Variants in DNMT3B observed in about 807,000 individuals in gnomAD.
DNMT3B encodes the protein DNA methyltransferase 3 beta, also known as DNA (cytosine-5)-methyltransferase 3B.
Under a neutral mutation model 120.2 loss-of-function variants are expected in DNMT3B, and 37 were observed. That is an observed-to-expected ratio of 0.31 (90% CI 0.24 to 0.40). The LOEUF (loss-of-function observed/expected upper bound fraction) is 0.40, where lower values mean the gene tolerates loss of function less well. Among genes scored for constraint, DNMT3B ranks in the 10% least tolerant of loss-of-function variants. DNMT3B has a pLI of 1.00. For synonymous variants in DNMT3B, 412 were observed against 442.8 expected, an observed-to-expected ratio of 0.93 and a Z score of 0.87; for missense variants, 878 against 1,137.3, an observed-to-expected ratio of 0.77 and a Z score of 3.28.
At position 32,788,960 on chromosome 20, in the gene DNMT3B, C is replaced by A; in HGVS notation, c.761C>A (p.Ala254Asp). The A allele has an allele frequency of 6.2e-7, 1 of 1,614,178 alleles. No individual in the cohort carries two copies. The highest frequency in any genetic ancestry group is 8.5e-7 in the Non-Finnish European group (1 of 1,180,042). ...TGGAAGGCCACCTCCAAGCGACAGG[C>A]TATGTCTGGCATGCGGTGGGTCCAG... ...VSWKATSKRQ[A>D]MSGMRWVQWF... Residue 254 changes from alanine to aspartate, a missense_variant, in exon 7 of 23, where the codon GCT becomes GAT. Coordinates refer to ENST00000328111, the MANE Select transcript of DNMT3B (RefSeq NM_006892.4).
intron 14 of DNMT3B, among the ~76,000 whole-genome samples, chr20:32,797,951 C>T (rs895296596): frequency 8.5e-5 from 13 of 152,148 alleles, no homozygotes; most frequent in Non-Finnish European, 5.9e-5. Flanking sequence ...TCTGGGATTA[C>T]AGTCATGATC....
At position 32,798,658 on chromosome 20, in the gene DNMT3B, C is replaced by A; in HGVS notation, c.1674+15C>A. On this transcript the variant is annotated intron_variant, in intron 15 of 22. Coordinates refer to ENST00000328111, the MANE Select transcript of DNMT3B (RefSeq NM_006892.4). Reference sequence around the variant, plus strand: ...GGCTTGAATATGTAAGCCACAGGCTCCCGCCTCTACCACCACAGATCCCAG... The same window carrying A: ...GGCTTGAATATGTAAGCCACAGGCTACCGCCTCTACCACCACAGATCCCAG... The A allele has an allele frequency of 6.2e-7, 1 of 1,613,618 alleles. No individual in the cohort carries two copies. The highest frequency in any genetic ancestry group is 8.5e-7 in the Non-Finnish European group (1 of 1,179,990).
chr20:32,783,031 C>T (rs1387969528), intron 3 of DNMT3B, among the ~76,000 whole-genome samples: 1 of 152,112 alleles, frequency 6.6e-6, no homozygotes, highest in African/African-American at 2.4e-5. Context: ...CCAAGCGATT[C>T]CCCTGCCTCA....
In DNMT3B at chr20:32,808,004, G is replaced by C; in HGVS notation, c.*101G>C. On this transcript the variant is annotated 3_prime_UTR_variant, in exon 23 of 23. Transcript: ENST00000328111. ...CCAGGCCCTGCTCTTCCTCAGCTGT[G>C]TGGGTCATACCGTGTACCTCAGTTC... 6.3e-7 allele frequency: 1 copy of C among 1,597,516 alleles called. No individual in the cohort carries two copies. The highest frequency in any genetic ancestry group is 1.3e-5 in the African/African-American group (1 of 74,660).
chr20:32,771,038 C>T (rs1378761735), intron 1 of DNMT3B, among the ~76,000 whole-genome samples: 33 of 152,190 alleles, frequency 2.2e-4, no homozygotes, highest in Non-Finnish European at 7.3e-5. Flanking sequence ...AGCCACTGTC[C>T]CTGGCATCTT....
chr20:32,767,862 CTT>C (rs1987479397), intron 1 of DNMT3B, among the ~76,000 whole-genome samples: 2 of 152,220 alleles, frequency 1.3e-5, no homozygotes, highest in African/African-American at 4.8e-5. Context: ...AGGCCTCTCT[CTT>C]AGTAGGCTTT....
rs552201962 is a variant in DNMT3B at position 32,779,074 on chromosome 20, T to C, written c.-6-1244T>C. ...GCCCGAGGCAGGGAGGCCCGGTGCA[T>C]ATGGCAGCAGCTTATTGGGGAAGCT... On this transcript the variant is annotated intron_variant, in intron 1 of 22. Coordinates refer to ENST00000328111, the MANE Select transcript of DNMT3B (RefSeq NM_006892.4). Among the ~76,000 whole-genome samples the C allele has an allele frequency of 4.6e-5, 7 of 152,268 alleles. No individual in the cohort carries two copies. In the South Asian group the frequency reaches 1.5e-3, roughly 32 times the overall value.
chr20:32,770,832 G>C (rs1296930909), intron 1 of DNMT3B, among the ~76,000 whole-genome samples: 1 of 151,528 alleles, frequency 6.6e-6, no homozygotes, highest in African/African-American at 2.4e-5. Flanking sequence ...GGCTGGTCTT[G>C]AACCCCTGAC....
intron 1 of DNMT3B, among the ~76,000 whole-genome samples, chr20:32,763,626 GGGAGAAAGTGGAAGC>G (rs1305665843): frequency 1.3e-5 from 2 of 152,198 alleles, no homozygotes; most frequent in African/African-American, 4.8e-5. Context: ...CACTTTATCG[GGGAGAAAGTGGAAGC>G]GGAGAAAGAC....
At chr20:32,765,743 ATTTTTTCT>A (rs1333093038) in intron 1 of DNMT3B, among the ~76,000 whole-genome samples, 2 of 89,646 alleles carry the variant, frequency 2.2e-5, no homozygotes, top group South Asian at 3.6e-4. Context: ...TTATTTATTT[ATTTTTTCT>A]TTTTTTCTTT....
intron 12 of DNMT3B, among the ~76,000 whole-genome samples, chr20:32,796,195 G>C (rs1439152592): frequency 6.6e-6 from 1 of 152,094 alleles, no homozygotes; most frequent in African/African-American, 2.4e-5. Context: ...CCACATCCCT[G>C]ACCCAGAGAA....
At chr20:32,797,119 C>T in intron 13 of DNMT3B, 68 bp from the exon 14 acceptor site, 1 of 1,606,966 alleles carries the variant, frequency 6.2e-7, no homozygotes, top group Non-Finnish European at 8.5e-7. Context: ...AGGGCCTCCA[C>T]CAGCAAGCCG....
At chr20:32,763,054 G>A (rs889300589) in intron 1 of DNMT3B, among the ~76,000 whole-genome samples, 2 of 152,166 alleles carry the variant, frequency 1.3e-5, no homozygotes, top group African/African-American at 4.8e-5. Flanking sequence ...GACTCGAGGA[G>A]GAGGAGGTGC....
intron 3 of DNMT3B, among the ~76,000 whole-genome samples, chr20:32,782,596 A>G (rs1314816534): frequency 6.6e-6 from 1 of 152,262 alleles, no homozygotes; most frequent in Non-Finnish European, 1.5e-5. Flanking sequence ...ATAGAGTACA[A>G]GAAGATATTT....
chr20:32,801,623 C>T (rs1178251548), intron 19 of DNMT3B, among the ~76,000 whole-genome samples, 197 bp downstream of exon 19: 1 of 152,072 alleles, frequency 6.6e-6, no homozygotes, highest in Non-Finnish European at 1.5e-5. Context: ...CTTGCTCTGT[C>T]ACCCAGGCTG....
chr20:32,782,553 G>GT lies in DNMT3B; in HGVS notation c.204+1140dup, dbSNP rs1312569753. Among the ~76,000 whole-genome samples, 4 of 152,174 alleles carry GT rather than the reference G, an allele frequency of 2.6e-5. No homozygotes were observed. In the East Asian group the frequency reaches 7.7e-4, roughly 29 times the overall value. ...AAAGTGCAAAGGAGGAAGACACTAG[G>GT]TCATAAACCATGGAAGGACAGATTA... On this transcript the variant is annotated intron_variant, in intron 3 of 22. Transcript: ENST00000328111.
At chr20:32,801,487 A>C (rs1160317888) in intron 19 of DNMT3B, 61 bp downstream of exon 19, 80 of 1,607,080 alleles carry the variant, frequency 5.0e-5, no homozygotes, top group Non-Finnish European at 1.7e-5. Context: ...CGCTGCTGGC[A>C]GTGATGATTG....
chr20:32,779,881 A>T, intron 1 of DNMT3B: 1 of 608,858 alleles, frequency 1.6e-6, no homozygotes, highest in Non-Finnish European at 2.9e-6. Context: ...AGGGGTCAGG[A>T]GGGAAAATAA....
chr20:32,795,427 G>C lies in DNMT3B; in HGVS notation c.1145G>C (p.Arg382Pro). Reference protein sequence around the residue: ...SRKYENKTRRRTADDSATSDY... With the variant: ...SRKYENKTRRPTADDSATSDY... ...TTCACAGAGAACAAGACTCGAAGAC[G>C]CACAGCTGACGACTCAGCCACCTCT... The change falls in exon 11 of 23, where the codon CGC becomes CCC. Residue 382 changes from arginine to proline, a missense_variant. Physicochemically the swap from Arg to Pro is moderately radical, Grantham distance 103 (BLOSUM62 -2). Around this residue, in one of 4 missense-constraint regions of DNMT3B, gnomAD observed 207 missense variants for 222.6 expected, o/e 0.93. Coordinates refer to ENST00000328111, the MANE Select transcript of DNMT3B (RefSeq NM_006892.4). 1 of 1,614,046 alleles carries C rather than the reference G, an allele frequency of 6.2e-7. No homozygotes were observed. The highest frequency in any genetic ancestry group is 1.1e-5 in the South Asian group (1 of 91,074).
Sources: gnomAD v4.1 joint callset for allele counts (sites outside exome capture counted in the v4.1 genomes callset) on GRCh38, gnomAD v4.1.1 for gene constraint, gnomAD v4.1.1 regional missense constraint, MANE v1.5 for transcripts, NCBI Gene and HGNC (gene_info 2026-07-23, HGNC 2026-07-21) for gene names.